Variants in TIAM2 observed in about 807,000 individuals in gnomAD.
The protein encoded by TIAM2 is rho guanine nucleotide exchange factor TIAM2.
TIAM2 carries 80 observed loss-of-function variants against 152.9 expected under a neutral mutation model. The ratio of observed to expected loss-of-function variants is 0.52; its 90% CI spans 0.44 to 0.63. The LOEUF is 0.63. Ranked by LOEUF, TIAM2 falls within the 30% of genes least tolerant of loss-of-function variation. TIAM2 has a pLI of 0.00. For synonymous variants in TIAM2, 804 were observed against 838.0 expected (o/e 0.96, Z 0.70); for missense variants, 1,965 against 2,120.1 (o/e 0.93, Z 1.44).
intron 1 of TIAM2, among the ~76,000 whole-genome samples, chr6:155,029,408 TAATATATACTATATATAC>T (rs1776746778): frequency 1.0e-5 from 1 of 98,706 alleles, no homozygotes; most frequent in African/African-American, 4.0e-5. Flanking sequence ...ATAGTATATA[TAATATATACTATATATAC>T]TATAGTATAT....
intron 19 of TIAM2, among the ~76,000 whole-genome samples, chr6:155,247,060 A>G (rs1464595979): frequency 1.3e-5 from 2 of 152,238 alleles, no homozygotes; most frequent in African/African-American, 4.8e-5. Flanking sequence ...TCCTACTGCC[A>G]TGCCTGTTGG....
chr6:154,999,772 TG>T (rs1778283285), intron 1 of TIAM2, among the ~76,000 whole-genome samples: 1 of 150,934 alleles, frequency 6.6e-6, no homozygotes, highest in South Asian at 2.1e-4. Context: ...TCCCGGGTCC[TG>T]GTTCAAGCAA....
intron 14 of TIAM2, among the ~76,000 whole-genome samples, chr6:155,190,607 C>G (rs1781173409): frequency 6.6e-6 from 1 of 152,210 alleles, no homozygotes; most frequent in Admixed American, 6.5e-5. Flanking sequence ...GCTTTTCTCT[C>G]CGAACATTAA....
intron 9 of TIAM2, among the ~76,000 whole-genome samples, chr6:155,171,219 A>T (rs1214690063): frequency 6.6e-6 from 1 of 152,242 alleles, no homozygotes; most frequent in Non-Finnish European, 1.5e-5. Flanking sequence ...ACCCTAATTC[A>T]AAATCTGTTA....
chr6:155,250,018 T>A (rs1217178131), intron 21 of TIAM2, 49 bp downstream of exon 21: 2 of 1,437,922 alleles, frequency 1.4e-6, no homozygotes, highest in South Asian at 2.5e-5. Flanking sequence ...TGGTGTGGGG[T>A]CTGTAGGTGA....
chr6:155,134,039 A>C (rs1314374278), intron 4 of TIAM2, among the ~76,000 whole-genome samples: 1 of 152,120 alleles, frequency 6.6e-6, no homozygotes, highest in Admixed American at 6.6e-5. Context: ...GTCTTTACTC[A>C]TCTCCACTCT....
intron 15 of TIAM2, among the ~76,000 whole-genome samples, chr6:155,240,212 C>T (rs1256655314): frequency 6.6e-6 from 1 of 152,242 alleles, no homozygotes; most frequent in African/African-American, 2.4e-5. Flanking sequence ...GATTTCAGAG[C>T]TACCTCACCT....
intron 1 of TIAM2, among the ~76,000 whole-genome samples, chr6:155,086,022 C>T (rs59129910): frequency 6.4e-4 from 98 of 152,342 alleles, no homozygotes; most frequent in African/African-American, 2.3e-3. Context: ...TGCAAATTCT[C>T]CCTTAAAATG....
rs1318122283 is a variant in TIAM2 at position 155,172,670 on chromosome 6, ATATATATATATATATATTTTTTTTTTT to A, written c.2362-4144_2362-4118del. On this transcript the variant is annotated intron_variant, in intron 9 of 26. Transcript: ENST00000682666. The stretch of plus-strand genomic sequence containing the variant: ...TATATATATATATATATATATATAT[ATATATATATATATATATTTTTTTTTTT>A]TTTTTTTTTTTTTTTCTTTGATGGG... Among the ~76,000 whole-genome samples, 118 of 9,792 alleles carry A rather than the reference ATATATATATATATATATTTTTTTTTTT, an allele frequency of 0.012. 3 individuals carry two copies. The East Asian group carries it at 0.13, about 11-fold the overall frequency. 6.4% of individuals were successfully genotyped at this position (9,792 alleles called of 152,430 possible).
intron 2 of TIAM2, among the ~76,000 whole-genome samples, chr6:155,099,069 C>A (rs574217092): frequency 1.3e-5 from 2 of 152,020 alleles, no homozygotes; most frequent in South Asian, 2.1e-4. Flanking sequence ...TGCCTGTAAT[C>A]CTAGCTACTT....
At chr6:155,024,336 G>A (rs1451951758) in intron 1 of TIAM2, among the ~76,000 whole-genome samples, 1 of 152,120 alleles carries the variant, frequency 6.6e-6, no homozygotes, top group Non-Finnish European at 1.5e-5. Context: ...GAGATTATAA[G>A]TATTAACAGA....
At chr6:154,998,419 T>G (rs1463038732) in intron 1 of TIAM2, among the ~76,000 whole-genome samples, 1 of 152,212 alleles carries the variant, frequency 6.6e-6, no homozygotes, top group Non-Finnish European at 1.5e-5. Flanking sequence ...GATCAGTATT[T>G]AATATCACAG....
At chr6:155,044,306 C>T (rs1057445094) in intron 1 of TIAM2, among the ~76,000 whole-genome samples, 1 of 152,128 alleles carries the variant, frequency 6.6e-6, no homozygotes, top group Non-Finnish European at 1.5e-5. Context: ...CACGGGATCA[C>T]GCAGCTATCT....
chr6:155,023,340 G>A (rs1776536915), intron 1 of TIAM2, among the ~76,000 whole-genome samples: 1 of 152,152 alleles, frequency 6.6e-6, no homozygotes, highest in Non-Finnish European at 1.5e-5. Context: ...TTGTTGATGG[G>A]TCAATGTGAG....
intron 25 of TIAM2, 163 bp from the exon 26 acceptor site, chr6:155,254,256 T>C: frequency 9.6e-7 from 1 of 1,039,906 alleles, no homozygotes; most frequent in South Asian, 1.7e-5. Flanking sequence ...GAGTGATCAA[T>C]TCTCACCTCC....
rs377001784 is a variant in TIAM2, at chr6:155,164,647, C to T, written c.2214+47C>T. ...TTTCTGCAGCATTCGGGGAGGGCTGCGGATGCTCCCCCTTTCTTCAGCTTG... is the reference window on the plus strand; with the variant it reads ...TTTCTGCAGCATTCGGGGAGGGCTGTGGATGCTCCCCCTTTCTTCAGCTTG... On this transcript the variant is annotated intron_variant, in intron 8 of 26. Transcript: ENST00000682666. 14 of 1,562,118 alleles carry T rather than the reference C, an allele frequency of 9.0e-6. No homozygotes were observed. The East Asian group carries it at 1.6e-4, about 18-fold the overall frequency.
intron 14 of TIAM2, among the ~76,000 whole-genome samples, chr6:155,195,667 G>C (rs1274035923): frequency 1.3e-5 from 2 of 151,856 alleles, no homozygotes; most frequent in East Asian, 3.9e-4. Context: ...ATTGATCAGG[G>C]TGGGAGGGAT....
intron 14 of TIAM2, among the ~76,000 whole-genome samples, chr6:155,196,061 T>C (rs1781340139): frequency 6.6e-6 from 1 of 152,050 alleles, no homozygotes; most frequent in African/African-American, 2.4e-5. Context: ...CACTGAGTGT[T>C]GCTGAAAATG....
intron 14 of TIAM2, among the ~76,000 whole-genome samples, chr6:155,190,135 T>C (rs1056103444): frequency 1.1e-4 from 16 of 152,250 alleles, no homozygotes; most frequent in African/African-American, 3.9e-4. Context: ...GTATTACTAC[T>C]TCCCCCTGCC....
Sources: allele counts gnomAD v4.1 joint callset (sites outside exome capture counted in the v4.1 genomes callset), GRCh38; gene constraint gnomAD v4.1.1; transcripts MANE v1.5; gene names NCBI Gene and HGNC (gene_info 2026-07-23, HGNC 2026-07-21).